Variants in AMZ1 observed in about 807,000 individuals in gnomAD.
AMZ1 encodes archaemetzincin-1.
AMZ1 carries 39 observed loss-of-function variants against 29.9 expected under a neutral mutation model. That is an observed-to-expected ratio of 1.30 (90% CI 1.01 to 1.70). AMZ1 has a LOEUF of 1.70. Ranked by LOEUF, AMZ1 falls within the 40% of genes most tolerant of loss-of-function variation. The pLI is 0.00. For missense variants in AMZ1, 1,041 were observed against 680.6 expected (o/e 1.53, Z -5.89); for synonymous variants, 458 against 304.0 (o/e 1.51, Z -5.27).
At chr7:2,732,731 G>C (rs1789964077) in intron 4 of AMZ1, among the ~76,000 whole-genome samples, 1 of 152,148 alleles carries the variant, frequency 6.6e-6, no homozygotes, top group African/African-American at 2.4e-5. Context: ...AACACTGCAG[G>C]GGTGGAAGAG....
intron 6 of AMZ1, 68 bp downstream of exon 6, chr7:2,709,884 G>A: frequency 6.3e-7 from 1 of 1,578,878 alleles, no homozygotes. Context: ...GCGCCGCCTG[G>A]AGGCTACGCA....
downstream of AMZ1, among the ~76,000 whole-genome samples, chr7:2,722,846 C>A (rs965295836): frequency 2.0e-5 from 3 of 152,018 alleles, no homozygotes; most frequent in African/African-American, 7.2e-5. Flanking sequence ...GGGTGGTGGC[C>A]ACATGCCTGT....
intron 4 of AMZ1, among the ~76,000 whole-genome samples, chr7:2,750,421 C>A (rs1790976478): frequency 6.6e-6 from 1 of 152,234 alleles, no homozygotes; most frequent in South Asian, 2.1e-4. Flanking sequence ...CCTCAGGGGA[C>A]ACATGCTGAG....
At chr7:2,712,296 C>G in intron 6 of AMZ1, 34 bp from the exon 7 acceptor site, 1 of 1,520,574 alleles carries the variant, frequency 6.6e-7, no homozygotes, top group Non-Finnish European at 8.8e-7. Flanking sequence ...AGGGCTGGCA[C>G]GGAGCAAACT....
chr7:2,691,971 C>G (rs1787416492), intron 1 of AMZ1, among the ~76,000 whole-genome samples: 1 of 152,158 alleles, frequency 6.6e-6, no homozygotes, highest in Non-Finnish European at 1.5e-5. Flanking sequence ...GGCTGCGGCG[C>G]TAGGGGAATG....
rs1434652825 is a variant in AMZ1 at position 2,712,557 on chromosome 7, G to A, written c.1176G>A (p.Glu392=). ...GGCTGAGCTACCTGGCAGCCTCAGA[G>A]GCTCCGCTGCCACCTGGGGGCCCTG... The part of the protein sequence containing the change: ...EEGLSYLAAS[E]APLPPGGPAE... Residue 392 remains glutamate (E), a synonymous_variant, in exon 7 of 7, where the codon GAG becomes GAA. Coordinates refer to ENST00000683327, the MANE Select transcript of AMZ1 (RefSeq NM_001384743.1). 1 of 1,610,298 alleles carries A rather than the reference G, an allele frequency of 6.2e-7. No individual in the cohort carries two copies. The highest frequency in any genetic ancestry group is 1.3e-5 in the African/African-American group (1 of 75,026).
chr7:2,690,607 A>T (rs560968207), intron 1 of AMZ1, among the ~76,000 whole-genome samples: 4 of 151,968 alleles, frequency 2.6e-5, no homozygotes, highest in South Asian at 2.1e-4. Flanking sequence ...TGGGTTTCCG[A>T]TGTAGATGCT....
At chr7:2,708,848 AAT>A (rs1788546671) in intron 4 of AMZ1, 132 bp downstream of exon 4, 1 of 1,431,190 alleles carries the variant, frequency 7.0e-7, no homozygotes, top group Admixed American at 2.0e-5. Context: ...TGTGCATGGG[AAT>A]AGATGGCCCC....
chr7:2,763,708 A>C (rs1791682998), upstream of AMZ1, among the ~76,000 whole-genome samples: 1 of 152,208 alleles, frequency 6.6e-6, no homozygotes, highest in African/African-American at 2.4e-5. Context: ...CTTGTCCAGG[A>C]AACCAAAGCT....
At chr7:2,709,961 T>TGC (rs1320403338) in intron 6 of AMZ1, 145 bp downstream of exon 6, 1 of 1,143,956 alleles carries the variant, frequency 8.7e-7, no homozygotes, top group African/African-American at 1.6e-5. Context: ...CCCTGGGACC[T>TGC]GCGCTGGGGT....
At chr7:2,753,959 G>A (rs1016187665) in intron 4 of AMZ1, among the ~76,000 whole-genome samples, 1 of 152,132 alleles carries the variant, frequency 6.6e-6, no homozygotes, top group Admixed American at 6.5e-5. Flanking sequence ...GTCCGGCGGC[G>A]CATCTTAGGT....
upstream of AMZ1, among the ~76,000 whole-genome samples, chr7:2,686,383 A>T (rs1231087709): frequency 6.6e-6 from 1 of 152,050 alleles, no homozygotes; most frequent in African/African-American, 2.4e-5. Flanking sequence ...AAAGTTTCAA[A>T]ATTAGCCAGG....
intron 1 of AMZ1, among the ~76,000 whole-genome samples, chr7:2,689,525 C>T (rs987645419): frequency 4.6e-5 from 7 of 152,214 alleles, no homozygotes; most frequent in African/African-American, 9.6e-5. Context: ...CCCCTGTCCC[C>T]GTCAGAACAT....
intron 3 of AMZ1, among the ~76,000 whole-genome samples, chr7:2,704,596 T>C (rs1788242403): frequency 8.3e-6 from 1 of 120,778 alleles, no homozygotes; most frequent in African/African-American, 3.2e-5. Context: ...CGCTTTTTTT[T>C]TTTTTTTTTT....
At chr7:2,710,440 A>T (rs1398405178) in intron 6 of AMZ1, among the ~76,000 whole-genome samples, 1 of 152,244 alleles carries the variant, frequency 6.6e-6, no homozygotes, top group Non-Finnish European at 1.5e-5. Context: ...CTCACTGCGT[A>T]CAGGCACCAG....
intron 3 of AMZ1, among the ~76,000 whole-genome samples, chr7:2,706,897 ATTGC>A (rs1788385906): frequency 6.6e-6 from 1 of 152,198 alleles, no homozygotes; most frequent in African/African-American, 2.4e-5. Flanking sequence ...AGGCAGGAAG[ATTGC>A]TTGAGCCCAG....
At chr7:2,723,183 G>A (rs1789492680), downstream of AMZ1, among the ~76,000 whole-genome samples, 2 of 152,216 alleles carry the variant, frequency 1.3e-5, no homozygotes, top group African/African-American at 4.8e-5. Context: ...GCACCACAGA[G>A]TGTACAGCCC....
chr7:2,680,575 C>T (rs1037688671), intron 1 of AMZ1, among the ~76,000 whole-genome samples: 2 of 152,216 alleles, frequency 1.3e-5, no homozygotes, highest in Admixed American at 6.5e-5. Flanking sequence ...AGTAGGGGCT[C>T]CGTCCTCATT....
chr7:2,757,008 A>T (rs1044690284), intron 4 of AMZ1, among the ~76,000 whole-genome samples: 1 of 151,712 alleles, frequency 6.6e-6, no homozygotes, highest in Non-Finnish European at 1.5e-5. Context: ...GGGGAGTTCG[A>T]GGCTGCAGTG....
Sources: allele counts gnomAD v4.1 joint callset (sites outside exome capture counted in the v4.1 genomes callset), GRCh38; gene constraint gnomAD v4.1.1; transcripts MANE v1.5; gene names NCBI Gene and HGNC (gene_info 2026-07-23, HGNC 2026-07-21).